RAB6A: variants seen among roughly 807,000 people sequenced by gnomAD.
The protein encoded by RAB6A is ras-related protein Rab-6A.
A neutral mutation model predicts 32.3 loss-of-function variants in RAB6A; 8 were observed. The ratio of observed to expected loss-of-function variants is 0.25; its 90% CI spans 0.15 to 0.45. The LOEUF (loss-of-function observed/expected upper bound fraction) is 0.45. Ranked by LOEUF, RAB6A falls within the 20% of genes least tolerant of loss-of-function variation. The pLI is 1.00. For synonymous variants in RAB6A, 73 were observed against 82.1 expected (o/e 0.89, Z 0.60); for missense variants, 104 against 249.4 (o/e 0.42, Z 3.93).
At chr11:73,716,677 A>AT (rs1590857513) in intron 4 of RAB6A, among the ~76,000 whole-genome samples, 1 of 152,194 alleles carries the variant, frequency 6.6e-6, no homozygotes, top group East Asian at 1.9e-4. Flanking sequence ...GCTATGGCAG[A>AT]TAATATGGTG....
chr11:73,693,528 C>T (rs949962939), intron 6 of RAB6A, among the ~76,000 whole-genome samples: 19 of 150,114 alleles, frequency 1.3e-4, no homozygotes, highest in Non-Finnish European at 1.8e-4. Context: ...AGTTTGAGAC[C>T]AGCCTGGGCA....
chr11:73,728,596 ATCTG>A (rs1249811281), intron 2 of RAB6A, among the ~76,000 whole-genome samples: 50 of 127,076 alleles, frequency 3.9e-4, no homozygotes, highest in African/African-American at 1.3e-3. Flanking sequence ...AACATAGCAA[ATCTG>A]TCTTTGTTTA....
intron 4 of RAB6A, 139 bp downstream of exon 4, chr11:73,718,474 G>C (rs1284324743): frequency 1.4e-6 from 1 of 718,692 alleles, no homozygotes; most frequent in African/African-American, 1.8e-5. Context: ...AAATATTTCT[G>C]ACCTGGCTGG....
Position 73,743,818 on chromosome 11 carries a change from T to C in RAB6A, c.71-12995A>G, listed in dbSNP as rs551838574. On this transcript the variant is annotated intron_variant, in intron 1 of 7. Transcript: ENST00000336083. Reference sequence around the variant, plus strand: ...TGAAACTTTTCTTTCCTGGTTACATTATTAGCTCATAAAATTGATATCAGA... The same window carrying C: ...TGAAACTTTTCTTTCCTGGTTACATCATTAGCTCATAAAATTGATATCAGA... Among the ~76,000 whole-genome samples, 6 of 152,286 alleles carry C rather than the reference T, an allele frequency of 3.9e-5. No homozygotes were observed. The South Asian group carries it at 1.2e-3, about 32-fold the overall frequency.
intron 1 of RAB6A, among the ~76,000 whole-genome samples, chr11:73,752,826 G>GA (rs200880350): frequency 1.6e-4 from 21 of 132,142 alleles, no homozygotes; most frequent in Non-Finnish European, 2.2e-4. Context: ...TCAAAAAAAA[G>GA]AAAAAAAAAA....
chr11:73,695,475 G>T (rs1945642411), intron 6 of RAB6A, among the ~76,000 whole-genome samples: 1 of 152,106 alleles, frequency 6.6e-6, no homozygotes, highest in African/African-American at 2.4e-5. Context: ...TGCCTCCCGG[G>T]TTCAAGTGAT....
At chr11:73,686,729 T>TA (rs2134874172) in intron 6 of RAB6A, among the ~76,000 whole-genome samples, 1 of 152,300 alleles carries the variant, frequency 6.6e-6, no homozygotes, top group African/African-American at 2.4e-5. Context: ...AGGTTCTCTT[T>TA]AGTGAAAAGT....
chr11:73,722,940 G>A (rs932405735), intron 2 of RAB6A, among the ~76,000 whole-genome samples: 1 of 152,066 alleles, frequency 6.6e-6, no homozygotes, highest in Non-Finnish European at 1.5e-5. Context: ...TCAAGTAGCT[G>A]GGATTACAGG....
At chr11:73,705,339 G>T (rs1945821087) in intron 6 of RAB6A, among the ~76,000 whole-genome samples, 1 of 152,180 alleles carries the variant, frequency 6.6e-6, no homozygotes, top group African/African-American at 2.4e-5. Context: ...CTTAAGGCCA[G>T]GAGTTTGAGT....
intron 6 of RAB6A, among the ~76,000 whole-genome samples, chr11:73,682,400 A>G (rs1945374182): frequency 6.6e-6 from 1 of 152,206 alleles, no homozygotes; most frequent in South Asian, 2.1e-4. Flanking sequence ...ATGGTGGCTC[A>G]CGCCTGTAAT....
chr11:73,753,539 G>A (rs1360148700), intron 1 of RAB6A, among the ~76,000 whole-genome samples: 3 of 151,138 alleles, frequency 2.0e-5, no homozygotes, highest in Non-Finnish European at 2.9e-5. Flanking sequence ...GTGAAACCCC[G>A]TCTCTACTAA....
intron 3 of RAB6A, 140 bp downstream of exon 3, chr11:73,720,706 T>TA (rs1423256965): frequency 4.6e-6 from 3 of 653,978 alleles, no homozygotes; most frequent in Non-Finnish European, 2.7e-6. Context: ...CACTCGGTAA[T>TA]AAGAGTTTTT....
chr11:73,760,506 C>CCGGGGGCGGTG, intron 1 of RAB6A, 60 bp downstream of exon 1: 1 of 1,538,730 alleles, frequency 6.5e-7, no homozygotes, highest in Non-Finnish European at 8.8e-7. Flanking sequence ...AAGGGCCGCA[C>CCGGGGGCGGTG]CGGGGGCGGT....
intron 2 of RAB6A, among the ~76,000 whole-genome samples, chr11:73,728,352 A>G (rs1188203805): frequency 6.6e-6 from 1 of 152,108 alleles, no homozygotes; most frequent in Non-Finnish European, 1.5e-5. Flanking sequence ...GTATGTTTTT[A>G]TCATGAAACG....
intron 6 of RAB6A, among the ~76,000 whole-genome samples, chr11:73,690,891 A>AT (rs1945545976): frequency 3.9e-5 from 1 of 25,540 alleles, no homozygotes; most frequent in Non-Finnish European, 1.0e-4. Flanking sequence ...ATTAGGAAAC[A>AT]TTAAAAAAAA....
intron 6 of RAB6A, among the ~76,000 whole-genome samples, chr11:73,690,555 C>T (rs1226527668): frequency 6.8e-6 from 1 of 147,518 alleles, no homozygotes; most frequent in Non-Finnish European, 1.5e-5. Flanking sequence ...CCAGCTAATT[C>T]TTTTTTTTTT....
At chr11:73,739,305 A>ATAT (rs56845542) in intron 1 of RAB6A, among the ~76,000 whole-genome samples, 1 of 67,948 alleles carries the variant, frequency 1.5e-5, no homozygotes, top group African/African-American at 4.4e-5. Context: ...ATATATATAT[A>ATAT]AATACTGGAA....
At position 73,755,183 on chromosome 11, in the gene RAB6A, G is replaced by A. The variant is rs544146327; in HGVS notation, c.70+5383C>T. 9.2e-5 allele frequency among the ~76,000 whole-genome samples: 14 copies of A among 152,064 alleles called. No homozygotes were observed. The South Asian group carries it at 2.3e-3, about 25-fold the overall frequency. On this transcript the variant is annotated intron_variant, in intron 1 of 7. Coordinates refer to ENST00000336083, the MANE Select transcript of RAB6A (RefSeq NM_198896.2). Reference sequence around the variant, plus strand: ...TGGCCTCAAGTGATCCGCCCACCTCGGCCTCTCAAAATGCTGGGATTACAA... The same window carrying A: ...TGGCCTCAAGTGATCCGCCCACCTCAGCCTCTCAAAATGCTGGGATTACAA...
intron 3 of RAB6A, among the ~76,000 whole-genome samples, chr11:73,719,229 T>C (rs1946098020): frequency 6.6e-6 from 1 of 152,022 alleles, no homozygotes. Flanking sequence ...GATGGTTAAA[T>C]AGAGAAAAAA....
Sources: gnomAD v4.1 joint callset for allele counts (sites outside exome capture counted in the v4.1 genomes callset) on GRCh38, gnomAD v4.1.1 for gene constraint, MANE v1.5 for transcripts, NCBI Gene and HGNC (gene_info 2026-07-23, HGNC 2026-07-21) for gene names.